Variants in CASP6 observed in about 807,000 individuals in gnomAD.
CASP6 encodes caspase-6.
In CASP6, 20 loss-of-function variants were observed where a neutral mutation model predicts 31.8. That is an observed-to-expected ratio of 0.63 (90% CI 0.44 to 0.91). CASP6 has a LOEUF of 0.91. Ranked by LOEUF, CASP6 falls within the 40% of genes least tolerant of loss-of-function variation. The pLI is 0.00. For synonymous variants in CASP6, 130 were observed against 127.8 expected (o/e 1.02, Z -0.12); for missense variants, 328 against 361.1 (o/e 0.91, Z 0.74).
chr4:109,678,360 TG>T, the CASP6 span, among the ~76,000 whole-genome samples: 1 of 151,778 alleles, frequency 6.6e-6, no homozygotes, highest in East Asian at 1.9e-4. Context: ...ACCTCCCAGG[TG>T]GGGCGGCCGG....
At chr4:109,684,278 G>C (rs111455616), downstream of CASP6, among the ~76,000 whole-genome samples, 1,180 of 152,180 alleles carry the variant, frequency 7.8e-3, 17 homozygotes, top group African/African-American at 0.027. Context: ...TAACCAGGAT[G>C]GTCTCGATCT....
downstream of CASP6, chr4:109,687,581 GA>G: frequency 6.2e-7 from 1 of 1,604,696 alleles, no homozygotes; most frequent in Non-Finnish European, 8.5e-7. Context: ...AGAACTCAAT[GA>G]AAAGAATTAA....
Position 109,688,852 on chromosome 4 carries a change from T to A in CASP6, c.*478A>T, listed in dbSNP as rs1729927378. The A allele has an allele frequency of 6.6e-6, 1 of 151,132 alleles. No homozygotes were observed. 9.4% of individuals were successfully genotyped at this position (151,132 alleles called of 1,614,324 possible). On this transcript the variant is annotated 3_prime_UTR_variant, in exon 7 of 7. Coordinates refer to ENST00000265164, the MANE Select transcript of CASP6 (RefSeq NM_001226.4). ...TTCTCCATATCAAACCCTTTCACCA[T>A]GGCCAACATGAACTTTTTTTTTTTT...
intron 3 of CASP6, among the ~76,000 whole-genome samples, chr4:109,696,785 T>C (rs904426351): frequency 1.3e-5 from 2 of 148,202 alleles, no homozygotes; most frequent in African/African-American, 5.0e-5. Context: ...AGGCAAGTTT[T>C]TTTTTTTTTT....
At chr4:109,689,722 CTT>C (rs1160157038) in intron 6 of CASP6, among the ~76,000 whole-genome samples, 154 bp from the exon 7 acceptor site, 3 of 152,248 alleles carry the variant, frequency 2.0e-5, no homozygotes, top group Non-Finnish European at 4.4e-5. Flanking sequence ...TTTTTTGACT[CTT>C]TTCAAATGGG....
the CASP6 span, chr4:109,681,367 G>T: frequency 1.5e-5 from 6 of 400,526 alleles, no homozygotes; most frequent in Non-Finnish European, 3.0e-5. Context: ...AGATTCCTCT[G>T]GTGCAGTCTC....
At chr4:109,707,799 T>C (rs1163319185), upstream of CASP6, among the ~76,000 whole-genome samples, 1 of 152,092 alleles carries the variant, frequency 6.6e-6, no homozygotes. Flanking sequence ...GGGGAGAGCA[T>C]GTTGTCCTAC....
At chr4:109,675,056 T>C in the CASP6 span, among the ~76,000 whole-genome samples, 213 of 152,316 alleles carry the variant, frequency 1.4e-3, no homozygotes, top group African/African-American at 4.9e-3. Flanking sequence ...GATAACATGG[T>C]ATATGTATTG....
At chr4:109,703,297 CCCT>C in intron 1 of CASP6, 56 bp downstream of exon 1, 2 of 1,564,750 alleles carry the variant, frequency 1.3e-6, no homozygotes, top group Non-Finnish European at 1.7e-6. Context: ...CCCTCGTTTC[CCCT>C]CCAGCCGGAG....
At chr4:109,684,977 T>G (rs1163434963), downstream of CASP6, 1 of 392,422 alleles carries the variant, frequency 2.5e-6, no homozygotes, top group Non-Finnish European at 4.5e-6. Context: ...TTATTTAATA[T>G]GCCAAAAATC....
intron 5 of CASP6, among the ~76,000 whole-genome samples, chr4:109,693,139 T>C (rs555337043): frequency 5.9e-5 from 9 of 152,282 alleles, no homozygotes; most frequent in Admixed American, 5.9e-4. Flanking sequence ...CAACAAGTCA[T>C]ATGCTGGCTC....
At chr4:109,665,039 G>A in the CASP6 span, among the ~76,000 whole-genome samples, 6 of 152,096 alleles carry the variant, frequency 3.9e-5, no homozygotes, top group African/African-American at 9.6e-5. Flanking sequence ...TGCACCCCAC[G>A]CCCCTTATTG....
chr4:109,684,331 A>G (rs772240943), downstream of CASP6: 25 of 732,116 alleles, frequency 3.4e-5, no homozygotes, highest in Non-Finnish European at 5.0e-5. Flanking sequence ...CAGAGTGCTG[A>G]GATTACAGGC....
At chr4:109,688,618 T>G (rs1729913657), downstream of CASP6, 1 of 152,228 alleles carries the variant, frequency 6.6e-6, no homozygotes, top group African/African-American at 2.4e-5. Context: ...TAGAAAAATG[T>G]AATAAAATAT....
At chr4:109,704,023 C>T (rs574928210), upstream of CASP6, among the ~76,000 whole-genome samples, 1 of 152,098 alleles carries the variant, frequency 6.6e-6, no homozygotes, top group Admixed American at 6.5e-5. Flanking sequence ...CACCATGAAC[C>T]GCGCTCATAA....
the CASP6 span, among the ~76,000 whole-genome samples, chr4:109,708,746 A>C: frequency 1.3e-5 from 2 of 152,220 alleles, no homozygotes; most frequent in African/African-American, 4.8e-5. Context: ...TATGTGGTTA[A>C]GTATTTTAAA....
upstream of CASP6, chr4:109,703,532 C>T (rs1730503257): frequency 4.5e-6 from 5 of 1,112,464 alleles, no homozygotes; most frequent in Admixed American, 5.3e-5. Context: ...GTTCTGATTG[C>T]GCGCCGCCCG....
In CASP6 at chr4:109,689,316, A is replaced by G. The variant is rs1050666695; in HGVS notation, c.*14T>C. 1 of 1,606,154 alleles carries G rather than the reference A, an allele frequency of 6.2e-7. No individual in the cohort carries two copies. The highest frequency in any genetic ancestry group is 1.3e-5 in the African/African-American group (1 of 74,654). On this transcript the variant is annotated 3_prime_UTR_variant, in exon 7 of 7. Coordinates refer to ENST00000265164, the MANE Select transcript of CASP6 (RefSeq NM_001226.4). The stretch of plus-strand genomic sequence containing the variant: ...TTTTCAATACAGAGTGTAAAATTAG[A>G]TAGCCTCTATTAATTAATTAGATTT...
chr4:109,703,545 C>T (rs1344855349), upstream of CASP6: 11 of 999,460 alleles, frequency 1.1e-5, no homozygotes, highest in Admixed American at 5.3e-5. Context: ...GCCGCCCGGG[C>T]TCCCGTGGAT....
Sources: gnomAD v4.1 joint callset for allele counts (sites outside exome capture counted in the v4.1 genomes callset) on GRCh38, gnomAD v4.1.1 for gene constraint, MANE v1.5 for transcripts, NCBI Gene and HGNC (gene_info 2026-07-23, HGNC 2026-07-21) for gene names.